Variants in HERC1 observed in about 807,000 individuals in gnomAD.
HERC1 encodes the protein HECT and RLD domain containing E3 ubiquitin protein ligase family member 1.
HERC1 carries 160 observed loss-of-function variants against 554.3 expected under a neutral mutation model. That is an observed-to-expected ratio of 0.29 (90% CI 0.25 to 0.33). The LOEUF (loss-of-function observed/expected upper bound fraction) is 0.33. Ranked by LOEUF, HERC1 falls within the 10% of genes least tolerant of loss-of-function variation. HERC1 has a pLI of 1.00. For missense variants in HERC1, 4,919 were observed against 5,918.5 expected (o/e 0.83, Z 5.54); for synonymous variants, 2,175 against 2,131.7 (o/e 1.02, Z -0.56).
Position 63,755,472 on chromosome 15 carries a change from G to A in HERC1, c.1534-147C>T, listed in dbSNP as rs546428586. ...GTACAGTTGTGGAGGCTGTGTTCAG[G>A]CCAAGGATGACTGGCTAAGAGTTCA... is the stretch of plus-strand genomic sequence containing the variant. On this transcript the variant is annotated intron_variant, in intron 5 of 77. Coordinates refer to ENST00000443617, the MANE Select transcript of HERC1 (RefSeq NM_003922.4). 3 of 667,528 alleles carry A rather than the reference G, an allele frequency of 4.5e-6. No individual in the cohort carries two copies. The African/African-American group carries it at 5.4e-5, about 12-fold the overall frequency. 41.4% of individuals were successfully genotyped at this position (667,528 alleles called of 1,614,324 possible).
intron 12 of HERC1, among the ~76,000 whole-genome samples, chr15:63,736,375 C>A (rs2074504826): frequency 6.6e-6 from 1 of 152,204 alleles, no homozygotes; most frequent in Non-Finnish European, 1.5e-5. Context: ...CTTCTAAACT[C>A]TTTTTCCTCA....
intron 24 of HERC1, among the ~76,000 whole-genome samples, chr15:63,707,942 A>G (rs1244002839): frequency 6.6e-6 from 1 of 151,080 alleles, no homozygotes; most frequent in Non-Finnish European, 1.5e-5. Flanking sequence ...AAAAAAAAAA[A>G]AAAAAAAAAA....
rs2075423366 is a variant in HERC1 at position 63,756,412 on chromosome 15, T to G, written c.1533+25A>C. Reference sequence around the variant, plus strand: ...ACAACTCCAATGCATCTAATTATTTTTATAACCAAAAAGAATGCACATACC... The same window carrying G: ...ACAACTCCAATGCATCTAATTATTTGTATAACCAAAAAGAATGCACATACC... On this transcript the variant is annotated intron_variant, in intron 5 of 77. Coordinates refer to ENST00000443617, the MANE Select transcript of HERC1 (RefSeq NM_003922.4). The surrounding 1 kb of genome is among the most constrained non-coding windows in gnomAD (Gnocchi z 5.0). The G allele has an allele frequency of 1.3e-6, 2 of 1,564,140 alleles. No homozygotes were observed. The highest frequency in any genetic ancestry group is 8.7e-7 in the Non-Finnish European group (1 of 1,152,238).
intron 1 of HERC1, among the ~76,000 whole-genome samples, chr15:63,808,488 G>GT (rs1461063445): frequency 1.3e-5 from 2 of 152,064 alleles, no homozygotes; most frequent in Admixed American, 1.3e-4. Flanking sequence ...GTCTCACTAT[G>GT]TTGCCAAGGC....
intron 1 of HERC1, among the ~76,000 whole-genome samples, chr15:63,829,173 C>T (rs746235549): frequency 1.3e-5 from 2 of 151,964 alleles, no homozygotes; most frequent in Non-Finnish European, 2.9e-5. Context: ...AATCCCAACA[C>T]TCTGAGAGGC....
chr15:63,726,069 C>T (rs1400097719), intron 17 of HERC1, among the ~76,000 whole-genome samples: 2 of 152,120 alleles, frequency 1.3e-5, no homozygotes, highest in African/African-American at 2.4e-5. Context: ...GAAACCTCTG[C>T]CTCCCAGGTT....
chr15:63,781,742 A>C (rs2076294267), intron 1 of HERC1, among the ~76,000 whole-genome samples: 1 of 152,228 alleles, frequency 6.6e-6, no homozygotes, highest in Non-Finnish European at 1.5e-5. Context: ...TTTAGTGAGG[A>C]AGGCAGGCCA....
intron 1 of HERC1, among the ~76,000 whole-genome samples, chr15:63,794,495 C>T (rs900718303): frequency 6.6e-6 from 1 of 152,152 alleles, no homozygotes; most frequent in Non-Finnish European, 1.5e-5. Context: ...ACCCTCTAAT[C>T]ATGGCTCAGT....
intron 16 of HERC1, 127 bp downstream of exon 16, chr15:63,729,109 T>C (rs1197312155): frequency 2.2e-5 from 19 of 857,300 alleles, no homozygotes; most frequent in Non-Finnish European, 3.4e-5. Context: ...ACTAAAGGAA[T>C]CTTCAATAGA....
chr15:63,744,172 C>G (rs376017271), intron 12 of HERC1, among the ~76,000 whole-genome samples: 1,644 of 88,380 alleles, frequency 0.019, 2 homozygotes, highest in African/African-American at 0.058. Context: ...GTGTCTCTCT[C>G]TCTCTCTCTC....
rs2068836825 is a variant in HERC1, at chr15:63,637,539, G to A, written c.12198C>T (p.Asp4066=). The A allele has an allele frequency of 6.4e-7, 1 of 1,566,752 alleles. No homozygotes were observed. The highest frequency in any genetic ancestry group is 8.7e-7 in the Non-Finnish European group (1 of 1,154,110). Residue 4066 remains aspartate (D), a synonymous_variant, in exon 64 of 78, where the codon GAC becomes GAT. Transcript: ENST00000443617. The part of the protein sequence containing the change: ...YGRLGQGNSD[D]LHVLTVISAL... ...CTGAAATAACTGTCAGCACATGAAG[G>A]TCATCTGAATTTCCTTGTCCTAATC...
In HERC1 at chr15:63,747,077, G is replaced by T. The variant is rs2075080341; in HGVS notation, c.2361C>A (p.His787Gln). Reference protein sequence around the residue: ...PPLPFPSSREHHSFLKLCLKL... With the variant: ...PPLPFPSSREQHSFLKLCLKL... ...TCAGGCACAGCTTGAGAAAACTGTG[G>T]TGTTCTCTGAAACCAAATAAACGTC... The change falls in exon 12 of 78, where the codon CAC becomes CAA. Residue 787 changes from histidine to glutamine, a missense_variant. His to Gln is a conservative substitution (Grantham distance 24, BLOSUM62 0). Transcript: ENST00000443617. 1.9e-6 allele frequency: 3 copies of T among 1,594,874 alleles called. No individual in the cohort carries two copies. The highest frequency in any genetic ancestry group is 2.6e-6 in the Non-Finnish European group (3 of 1,170,734).
chr15:63,824,764 T>C (rs1016575010), intron 1 of HERC1, among the ~76,000 whole-genome samples: 14 of 151,298 alleles, frequency 9.3e-5, no homozygotes, highest in Non-Finnish European at 1.6e-4. Context: ...TATTCAGCTT[T>C]CAAAAAGGAG....
At chr15:63,765,504 A>G (rs1311694815) in intron 2 of HERC1, among the ~76,000 whole-genome samples, 1 of 152,100 alleles carries the variant, frequency 6.6e-6, no homozygotes, top group Non-Finnish European at 1.5e-5. Flanking sequence ...TACTGATCTT[A>G]AGTCTAAAAA....
intron 36 of HERC1, among the ~76,000 whole-genome samples, chr15:63,679,369 G>C (rs1345295768): frequency 6.6e-6 from 1 of 152,016 alleles, no homozygotes; most frequent in African/African-American, 2.4e-5. Flanking sequence ...TAGAATAAAA[G>C]GTAATTTTCT....
At chr15:63,774,642 G>T in intron 2 of HERC1, 52 bp downstream of exon 2, 1 of 1,372,050 alleles carries the variant, frequency 7.3e-7, no homozygotes, top group Non-Finnish European at 9.9e-7. Flanking sequence ...AAACTGCATT[G>T]ACTTTTCCAA....
Position 63,753,035 on chromosome 15 carries a change from C to T in HERC1, c.1825G>A (p.Glu609Lys). ...TNRVYKPKVIEALQGMFIRKV... is the reference protein window; with the variant it reads ...TNRVYKPKVIKALQGMFIRKV... ...CGAATGAACATTCCTTGTAAAGCTT[C>T]AATAACTTTAGGTTTATACACTCTG... Residue 609 changes from glutamate (E) to lysine (K), a missense_variant, in exon 8 of 78, where the codon GAA becomes AAA. Physicochemically the swap from Glu to Lys is moderately conservative, Grantham distance 56. Around this residue, in one of 11 missense-constraint regions of HERC1, gnomAD observed 744 missense variants for 1,090.0 expected, o/e 0.68. Transcript: ENST00000443617. 1 of 1,613,136 alleles carries T rather than the reference C, an allele frequency of 6.2e-7. No individual in the cohort carries two copies. The highest frequency in any genetic ancestry group is 8.5e-7 in the Non-Finnish European group (1 of 1,179,340).
intron 76 of HERC1, among the ~76,000 whole-genome samples, chr15:63,613,304 A>C (rs561406416): frequency 1.1e-4 from 17 of 152,228 alleles, no homozygotes; most frequent in Non-Finnish European, 2.5e-4. Flanking sequence ...TTCTCTTAGC[A>C]TCATAGTGCT....
intron 1 of HERC1, among the ~76,000 whole-genome samples, chr15:63,828,489 G>A (rs60407607): frequency 0.011 from 1,611 of 152,172 alleles, 21 homozygotes; most frequent in African/African-American, 0.037. Flanking sequence ...ACAGGCAAGC[G>A]CCACCACACC....
Sources: gnomAD v4.1 joint callset for allele counts (sites outside exome capture counted in the v4.1 genomes callset) on GRCh38, gnomAD v4.1.1 for gene constraint, gnomAD v4.1.1 regional missense constraint, Gnocchi (gnomAD v3.1) non-coding constraint, MANE v1.5 for transcripts, NCBI Gene and HGNC (gene_info 2026-07-23, HGNC 2026-07-21) for gene names.